Variants in RAB33A observed in about 807,000 individuals in gnomAD.
RAB33A encodes the protein RAB33A, member RAS oncogene family.
Under a neutral mutation model 12.0 loss-of-function variants are expected in RAB33A, and 6 were observed. That is an observed-to-expected ratio of 0.50 (90% CI 0.27 to 0.99). The LOEUF (loss-of-function observed/expected upper bound fraction) is 0.99. Ranked by LOEUF, RAB33A falls within the 50% of genes least tolerant of loss-of-function variation. The pLI is 0.11. For missense variants in RAB33A, 109 were observed against 192.0 expected (o/e 0.57, Z 2.55); for synonymous variants, 70 against 82.4 (o/e 0.85, Z 0.81).
chrX:130,136,770 G>C, the RAB33A span: 2 of 1,164,820 alleles, frequency 1.7e-6, no homozygotes, highest in Non-Finnish European at 2.3e-6. Context: ...AGCCTACAAG[G>C]CTATCACTTT....
At chrX:130,145,341 A>G in the RAB33A span, 184 of 523,830 alleles carry the variant, frequency 3.5e-4, 1 homozygote, top group East Asian at 6.8e-3. Flanking sequence ...CAGCATTATT[A>G]AACCTAAAGC....
the RAB33A span, among the ~76,000 whole-genome samples, chrX:130,120,110 T>C: frequency 8.9e-6 from 1 of 112,328 alleles, no homozygotes; most frequent in Non-Finnish European, 1.9e-5. Flanking sequence ...CAAGGCAGCA[T>C]CATGGCTTCT....
chrX:130,159,734 CTGATAA>C, the RAB33A span, among the ~76,000 whole-genome samples: 1 of 107,607 alleles, frequency 9.3e-6, no homozygotes, highest in Non-Finnish European at 1.9e-5. Context: ...TTTTCACAAA[CTGATAA>C]TACTAACAGT....
the RAB33A span, among the ~76,000 whole-genome samples, chrX:130,157,270 G>A: frequency 1.8e-5 from 2 of 112,279 alleles, no homozygotes; most frequent in South Asian, 3.7e-4. Context: ...TTATTTTGAC[G>A]TAAAACTATG....
the RAB33A span, among the ~76,000 whole-genome samples, chrX:130,117,716 G>A: frequency 8.9e-6 from 1 of 112,965 alleles, no homozygotes; most frequent in Admixed American, 9.3e-5. Context: ...TGGGACCAGG[G>A]CAAAGAGGCA....
At chrX:130,147,501 T>G in the RAB33A span, 202 of 1,210,371 alleles carry the variant, frequency 1.7e-4, no homozygotes, top group Non-Finnish European at 2.2e-4. Context: ...ACCTTCTCTC[T>G]TTTCCATTCC....
the RAB33A span, among the ~76,000 whole-genome samples, chrX:130,131,104 G>C: frequency 8.9e-6 from 1 of 111,854 alleles, no homozygotes; most frequent in African/African-American, 3.3e-5. Context: ...GTTAATGAAA[G>C]AGACATGTGT....
chrX:130,128,259 A>G, the RAB33A span, among the ~76,000 whole-genome samples: 2 of 111,659 alleles, frequency 1.8e-5, no homozygotes, highest in Non-Finnish European at 3.8e-5. Flanking sequence ...AAGTAGTAAC[A>G]AATTCCTCTT....
upstream of RAB33A, among the ~76,000 whole-genome samples, chrX:130,170,264 A>G (rs142483183): frequency 4.7e-3 from 532 of 112,536 alleles, 5 homozygotes; most frequent in African/African-American, 0.017. Flanking sequence ...GCTTTCAGGT[A>G]TATCACTGAT....
the RAB33A span, chrX:130,131,840 G>A: frequency 8.3e-7 from 1 of 1,201,292 alleles, no homozygotes. Context: ...GGGACTGTAA[G>A]GAATGACACG....
chrX:130,139,247 G>A, the RAB33A span, among the ~76,000 whole-genome samples: 1 of 109,770 alleles, frequency 9.1e-6, no homozygotes, highest in African/African-American at 3.3e-5. Context: ...CACAAGAATC[G>A]CTTGAACCCG....
At chrX:130,151,403 T>A in the RAB33A span, among the ~76,000 whole-genome samples, 1 of 111,189 alleles carries the variant, frequency 9.0e-6, no homozygotes, top group South Asian at 3.8e-4. Context: ...CCTCCCAAAG[T>A]GCTGGGATTA....
the RAB33A span, chrX:130,138,593 C>A: frequency 1.7e-6 from 2 of 1,196,056 alleles, no homozygotes; most frequent in Non-Finnish European, 2.3e-6. Flanking sequence ...CAATACTCAC[C>A]CTTTCTGCCA....
the RAB33A span, among the ~76,000 whole-genome samples, chrX:130,160,911 T>C: frequency 9.2e-6 from 1 of 109,136 alleles, no homozygotes; most frequent in South Asian, 3.8e-4. Flanking sequence ...AATAAATAAA[T>C]AAATAAAATG....
chrX:130,161,911 G>A, the RAB33A span, among the ~76,000 whole-genome samples: 1 of 112,053 alleles, frequency 8.9e-6, no homozygotes, highest in African/African-American at 3.2e-5. Flanking sequence ...CTAGCTATCA[G>A]CCTTTTTTAA....
the RAB33A span, among the ~76,000 whole-genome samples, chrX:130,117,065 T>C: frequency 1.3e-4 from 14 of 111,250 alleles, no homozygotes; most frequent in East Asian, 3.4e-3. Flanking sequence ...ATACAAAAAA[T>C]TAGCCGGGCG....
At chrX:130,149,833 T>G in the RAB33A span, among the ~76,000 whole-genome samples, 3 of 112,270 alleles carry the variant, frequency 2.7e-5, no homozygotes, top group South Asian at 1.1e-3. Flanking sequence ...CCCCATATTT[T>G]ATTCTGAAGG....
the RAB33A span, among the ~76,000 whole-genome samples, chrX:130,151,385 C>T: frequency 9.0e-6 from 1 of 111,041 alleles, no homozygotes; most frequent in African/African-American, 3.3e-5. Flanking sequence ...GTGATCCACC[C>T]ACCTTGGCCT....
chrX:130,177,936 A>G (rs939799243), intron 1 of RAB33A, among the ~76,000 whole-genome samples: 5 of 112,328 alleles, frequency 4.5e-5, no homozygotes, highest in African/African-American at 9.7e-5. Context: ...GAGGAGAGGC[A>G]GCTGCGAAAG....
Sources: gnomAD v4.1 joint callset for allele counts (sites outside exome capture counted in the v4.1 genomes callset) on GRCh38, gnomAD v4.1.1 for gene constraint, MANE v1.5 for transcripts, NCBI Gene and HGNC (gene_info 2026-07-23, HGNC 2026-07-21) for gene names.